UMAD1: variants seen among roughly 807,000 people sequenced by gnomAD.
The protein encoded by UMAD1 is UBAP1-MVB12-associated (UMA)-domain containing protein 1.
Under a neutral mutation model 6.1 loss-of-function variants are expected in UMAD1, and 8 were observed. The ratio of observed to expected loss-of-function variants is 1.30; its 90% CI spans 0.76 to 2.35. The LOEUF is 2.35. Ranked by LOEUF, UMAD1 falls within the 30% of genes most tolerant of loss-of-function variation. The probability of loss-of-function intolerance (pLI) is 0.00; values close to 1 mark genes in which losing one functional copy is unlikely to be tolerated. For synonymous variants in UMAD1, 56 were observed against 31.4 expected (o/e 1.78, Z -2.61); for missense variants, 130 against 78.4 (o/e 1.66, Z -2.49).
chr7:7,829,166 A>G (rs1355206832), intron 3 of UMAD1, among the ~76,000 whole-genome samples: 1 of 152,108 alleles, frequency 6.6e-6, no homozygotes, highest in African/African-American at 2.4e-5. Context: ...GCGTCTAGCA[A>G]TTTTTCATAA....
chr7:7,672,093 T>G (rs1199081441), intron 1 of UMAD1, among the ~76,000 whole-genome samples: 1 of 152,210 alleles, frequency 6.6e-6, no homozygotes, highest in Non-Finnish European at 1.5e-5. Flanking sequence ...CTAGAAGGCT[T>G]TCACTCACAT....
intron 3 of UMAD1, among the ~76,000 whole-genome samples, chr7:7,864,662 G>C (rs1280536723): frequency 1.4e-5 from 2 of 147,718 alleles, no homozygotes; most frequent in South Asian, 2.1e-4. Flanking sequence ...GTGGCGTCTT[G>C]AAGAATTGAG....
Position 7,697,505 on chromosome 7 carries a change from G to C in UMAD1, c.82+24052G>C, listed in dbSNP as rs146163771. Among the ~76,000 whole-genome samples the C allele has an allele frequency of 4.5e-3, 680 of 152,266 alleles. 7 individuals are homozygous for C. Among genetic ancestry groups the C allele is most frequent in the African/African-American group, 0.016 (654 of 41,560 alleles). ...TAATGTAAAATTCATTTTGAAATATGATTGTGGCTTCCTTTTGTGGCAGTC... is the reference window on the plus strand; with the variant it reads ...TAATGTAAAATTCATTTTGAAATATCATTGTGGCTTCCTTTTGTGGCAGTC... On this transcript the variant is annotated intron_variant, in intron 2 of 3. Coordinates refer to ENST00000682710, the MANE Select transcript of UMAD1 (RefSeq NM_001302348.2).
chr7:7,815,675 A>G (rs1334857805), intron 3 of UMAD1, among the ~76,000 whole-genome samples: 1 of 152,152 alleles, frequency 6.6e-6, no homozygotes, highest in African/African-American at 2.4e-5. Flanking sequence ...CTGTGTCCAG[A>G]AACTTTTCAA....
chr7:7,694,104 G>T (rs1013669164), intron 2 of UMAD1, among the ~76,000 whole-genome samples: 2 of 152,262 alleles, frequency 1.3e-5, no homozygotes, highest in African/African-American at 4.8e-5. Context: ...GGGGCACTAT[G>T]AAGTAGTTGG....
chr7:7,745,984 C>A (rs1781565537), intron 2 of UMAD1, among the ~76,000 whole-genome samples: 1 of 152,232 alleles, frequency 6.6e-6, no homozygotes, highest in Non-Finnish European at 1.5e-5. Flanking sequence ...GATCCTCCCA[C>A]CTCAGCCCCC....
rs893859663 is a variant in UMAD1, at chr7:7,879,027, G to T, written c.*1489G>T. The T allele has an allele frequency of 6.6e-6, 1 of 152,080 alleles. No homozygotes were observed. The highest frequency in any genetic ancestry group is 2.4e-5 in the African/African-American group (1 of 41,414). The allele number at this position is 152,080 out of a possible 1,614,324, so 9.4% of individuals were successfully genotyped here. ...CAAATATCTGTGTTAATGTACCCTT[G>T]AAATTAAATGCAAGCACATAGTCAG... On this transcript the variant is annotated 3_prime_UTR_variant, in exon 4 of 4. Coordinates refer to ENST00000682710, the MANE Select transcript of UMAD1 (RefSeq NM_001302348.2).
intron 2 of UMAD1, among the ~76,000 whole-genome samples, chr7:7,681,521 A>T (rs902988567): frequency 6.6e-6 from 1 of 152,176 alleles, no homozygotes; most frequent in Non-Finnish European, 1.5e-5. Flanking sequence ...GAATAAGGGA[A>T]AAAAGTTCTT....
At chr7:7,825,603 G>A (rs1421487076) in intron 3 of UMAD1, among the ~76,000 whole-genome samples, 1 of 152,100 alleles carries the variant, frequency 6.6e-6, no homozygotes, top group Non-Finnish European at 1.5e-5. Flanking sequence ...GGAAAGACCT[G>A]CCTCTTCCCA....
intron 3 of UMAD1, among the ~76,000 whole-genome samples, chr7:7,875,985 G>C (rs759860565): frequency 6.6e-6 from 1 of 152,226 alleles, no homozygotes; most frequent in Non-Finnish European, 1.5e-5. Flanking sequence ...GGCTGAGACA[G>C]GGAGGATACA....
At chr7:7,744,031 A>G (rs1376940442) in intron 2 of UMAD1, among the ~76,000 whole-genome samples, 1 of 152,150 alleles carries the variant, frequency 6.6e-6, no homozygotes, top group African/African-American at 2.4e-5. Context: ...GAACATTTTC[A>G]TCACCCCAAA....
intron 3 of UMAD1, among the ~76,000 whole-genome samples, chr7:7,844,458 G>A (rs6969079): frequency 2.6e-5 from 4 of 151,938 alleles, no homozygotes; most frequent in African/African-American, 9.7e-5. Context: ...ATTGTTAGTA[G>A]GTCCTCTTAA....
chr7:7,643,204 C>G (rs373660408), intron 1 of UMAD1, among the ~76,000 whole-genome samples: 8 of 152,052 alleles, frequency 5.3e-5, no homozygotes, highest in African/African-American at 1.4e-4. Flanking sequence ...AATGTAGACC[C>G]GAGGGAGAAA....
intron 3 of UMAD1, among the ~76,000 whole-genome samples, chr7:7,863,619 G>A (rs1784157824): frequency 6.6e-6 from 1 of 152,066 alleles, no homozygotes; most frequent in African/African-American, 2.4e-5. Context: ...ATGTAAATGG[G>A]CAGTAGAAGT....
intron 1 of UMAD1, among the ~76,000 whole-genome samples, chr7:7,657,661 A>G (rs934350928): frequency 6.6e-6 from 1 of 151,800 alleles, no homozygotes; most frequent in Non-Finnish European, 1.5e-5. Context: ...GTTCTGTTCC[A>G]TTGGTGTATA....
At chr7:7,682,154 C>T (rs532564859) in intron 2 of UMAD1, among the ~76,000 whole-genome samples, 1 of 152,234 alleles carries the variant, frequency 6.6e-6, no homozygotes, top group African/African-American at 2.4e-5. Flanking sequence ...GCAGGTGCTT[C>T]TTCAAGTAGG....
chr7:7,717,066 T>C (rs1020438544), intron 2 of UMAD1, among the ~76,000 whole-genome samples: 5 of 150,860 alleles, frequency 3.3e-5, no homozygotes, highest in Admixed American at 6.6e-5. Context: ...TTTTCTTTTT[T>C]TTTTTTTTGA....
chr7:7,681,503 C>G (rs1185693784), intron 2 of UMAD1, among the ~76,000 whole-genome samples: 1 of 152,022 alleles, frequency 6.6e-6, no homozygotes, highest in East Asian at 1.9e-4. Flanking sequence ...TCTAGTGGTG[C>G]CGAATAAGAA....
At chr7:7,749,831 TTATC>T (rs1455513171) in intron 2 of UMAD1, among the ~76,000 whole-genome samples, 2 of 152,186 alleles carry the variant, frequency 1.3e-5, no homozygotes, top group African/African-American at 2.4e-5. Flanking sequence ...CCAGGATAGT[TTATC>T]TAAGTTCTGT....
Sources: gnomAD v4.1 joint callset for allele counts (sites outside exome capture counted in the v4.1 genomes callset) on GRCh38, gnomAD v4.1.1 for gene constraint, MANE v1.5 for transcripts, NCBI Gene and HGNC (gene_info 2026-07-23, HGNC 2026-07-21) for gene names.